Variants in FDFT1 observed in about 807,000 individuals in gnomAD.
The protein encoded by FDFT1 is squalene synthase.
A neutral mutation model predicts 46.8 loss-of-function variants in FDFT1; 68 were observed. The observed-to-expected ratio is 1.45, with a 90% CI of 1.19 to 1.78. The LOEUF is 1.78. Ranked by LOEUF, FDFT1 falls within the 40% of genes most tolerant of loss-of-function variation. FDFT1 has a pLI of 0.00. For missense variants in FDFT1, 928 were observed against 524.4 expected (o/e 1.77, Z -7.52); for synonymous variants, 351 against 185.1 (o/e 1.90, Z -7.28).
At chr8:11,803,477 A>G in intron 1 of FDFT1, 1 of 1,263,788 alleles carries the variant, frequency 7.9e-7, no homozygotes, top group South Asian at 1.3e-5. Context: ...AGTTCCAATG[A>G]GTTATCTAAC....
chr8:11,807,739 T>G (rs2130707167), intron 1 of FDFT1, among the ~76,000 whole-genome samples: 1 of 152,250 alleles, frequency 6.6e-6, no homozygotes, highest in East Asian at 1.9e-4. Context: ...TGCATTAATT[T>G]CGAAGGGAAA....
At chr8:11,811,231 G>A (rs1807672254) in intron 3 of FDFT1, among the ~76,000 whole-genome samples, 1 of 152,286 alleles carries the variant, frequency 6.6e-6, no homozygotes, top group South Asian at 2.1e-4. Context: ...CCTTTGATGG[G>A]AAATCTGTGG....
At chr8:11,800,287 AAAAAAG>A (rs1162709601), upstream of FDFT1, among the ~76,000 whole-genome samples, 8 of 142,954 alleles carry the variant, frequency 5.6e-5, no homozygotes, top group African/African-American at 1.8e-4. Flanking sequence ...AAAAAAAAAA[AAAAAAG>A]GCGCTTGAAC....
chr8:11,817,587 G>T (rs941020952), intron 3 of FDFT1, among the ~76,000 whole-genome samples: 2 of 152,296 alleles, frequency 1.3e-5, no homozygotes, highest in African/African-American at 4.8e-5. Flanking sequence ...TCCTGGTTTA[G>T]TCTTGGGAGA....
upstream of FDFT1, among the ~76,000 whole-genome samples, chr8:11,797,638 C>CAAAAAAAAAAAAAAAAAA (rs34350077): frequency 1.9e-4 from 14 of 75,460 alleles, no homozygotes; most frequent in South Asian, 1.3e-3. Context: ...CACACACACT[C>CAAAAAAAAAAAAAAAAAA]AAAAAAAAAA....
intron 1 of FDFT1, chr8:11,803,530 G>A: frequency 2.5e-6 from 3 of 1,189,374 alleles, no homozygotes; most frequent in Non-Finnish European, 3.2e-6. Context: ...TCAGAACTTG[G>A]TTTTACTTAG....
intron 3 of FDFT1, among the ~76,000 whole-genome samples, chr8:11,818,467 A>T (rs536465520): frequency 6.6e-6 from 1 of 152,184 alleles, no homozygotes; most frequent in African/African-American, 2.4e-5. Flanking sequence ...GGGATGTTAG[A>T]CTCGCACACA....
intron 6 of FDFT1, among the ~76,000 whole-genome samples, chr8:11,830,890 G>C (rs1297948771): frequency 6.6e-6 from 1 of 152,218 alleles, no homozygotes; most frequent in Admixed American, 6.5e-5. Flanking sequence ...CCTTTACCAA[G>C]TATTGCAGAT....
At chr8:11,824,464 A>G (rs969757229) in intron 4 of FDFT1, among the ~76,000 whole-genome samples, 1 of 152,134 alleles carries the variant, frequency 6.6e-6, no homozygotes, top group African/African-American at 2.4e-5. Context: ...AAGTCATACT[A>G]CCTAGTTTTG....
chr8:11,806,022 G>C (rs1806781695), intron 1 of FDFT1, among the ~76,000 whole-genome samples: 1 of 152,080 alleles, frequency 6.6e-6, no homozygotes, highest in African/African-American at 2.4e-5. Context: ...TCAAGTTTGT[G>C]GTTTTTTTCC....
chr8:11,823,045 C>T (rs1484328375), intron 4 of FDFT1, among the ~76,000 whole-genome samples: 1 of 152,164 alleles, frequency 6.6e-6, no homozygotes, highest in Non-Finnish European at 1.5e-5. Flanking sequence ...GCCTCAACCT[C>T]CTGGGCTCAG....
At chr8:11,829,174 T>C (rs1166721331) in intron 5 of FDFT1, among the ~76,000 whole-genome samples, 1 of 152,236 alleles carries the variant, frequency 6.6e-6, no homozygotes, top group Admixed American at 6.5e-5. Flanking sequence ...TAACTGTATG[T>C]ATATATACTT....
chr8:11,823,446 C>T (rs1391247569), intron 4 of FDFT1, among the ~76,000 whole-genome samples: 1 of 152,136 alleles, frequency 6.6e-6, no homozygotes, highest in Non-Finnish European at 1.5e-5. Flanking sequence ...CAATTTCTGT[C>T]TACCTAATTT....
chr8:11,813,603 T>G (rs1182035154), intron 3 of FDFT1, among the ~76,000 whole-genome samples: 1 of 152,238 alleles, frequency 6.6e-6, no homozygotes, highest in Admixed American at 6.5e-5. Flanking sequence ...GTCACTCGCA[T>G]ACTTTACTAC....
Position 11,809,672 on chromosome 8 carries a change from C to A in FDFT1, c.203C>A (p.Ala68Glu), listed in dbSNP as rs766941596. The change falls in exon 3 of 8, where the codon GCA (alanine) becomes GAA (glutamate). Residue 68 changes from alanine (A) to glutamate (E), a missense_variant. By Grantham distance (107) the Ala-to-Glu change is moderately radical. Transcript: ENST00000220584. The part of the protein sequence containing the change: ...IQALDGEMRN[A>E]VCIFYLVLRA... ...TAGTTTTCCCTTTTTTACAGCAACG[C>A]AGTGTGCATATTTTATCTGGTTCTC... 6.2e-7 allele frequency: 1 copy of A among 1,608,226 alleles called. No individual in the cohort carries two copies. The highest frequency in any genetic ancestry group is 1.1e-5 in the South Asian group (1 of 90,122).
intron 7 of FDFT1, among the ~76,000 whole-genome samples, chr8:11,833,326 G>C (rs1183833927): frequency 1.3e-5 from 2 of 152,224 alleles, no homozygotes; most frequent in Non-Finnish European, 2.9e-5. Flanking sequence ...ACCCAGGTCT[G>C]TCTGACATCA....
upstream of FDFT1, among the ~76,000 whole-genome samples, chr8:11,800,860 G>C (rs116567041): frequency 1.8e-3 from 269 of 152,300 alleles, 3 homozygotes; most frequent in African/African-American, 6.1e-3. Context: ...TGGAAACTAA[G>C]TTTTTAAGAT....
At chr8:11,803,241 G>A (rs1806369933) in intron 1 of FDFT1, 10 of 1,380,800 alleles carry the variant, frequency 7.2e-6, no homozygotes, top group Middle Eastern at 1.9e-4. Flanking sequence ...TTAACCCGAG[G>A]GTTACACATC....
intron 1 of FDFT1, chr8:11,803,142 C>A: frequency 1.4e-6 from 2 of 1,422,942 alleles, no homozygotes; most frequent in Non-Finnish European, 9.2e-7. Flanking sequence ...CCCCGCAAGC[C>A]GCCCTGGGCA....
Sources: gnomAD v4.1 joint callset for allele counts (sites outside exome capture counted in the v4.1 genomes callset) on GRCh38, gnomAD v4.1.1 for gene constraint, MANE v1.5 for transcripts, NCBI Gene and HGNC (gene_info 2026-07-23, HGNC 2026-07-21) for gene names.